Variants in KANSL1L observed in about 807,000 individuals in gnomAD.
The protein encoded by KANSL1L is KAT8 regulatory NSL complex subunit 1-like protein.
KANSL1L carries 25 observed loss-of-function variants against 108.6 expected under a neutral mutation model. The observed-to-expected ratio is 0.23, with a 90% CI of 0.17 to 0.32. KANSL1L has a LOEUF of 0.32. Among genes scored for constraint, KANSL1L ranks in the 10% least tolerant of loss-of-function variants. The probability of loss-of-function intolerance (pLI) is 1.00; values close to 1 mark genes in which losing one functional copy is unlikely to be tolerated. For synonymous variants in KANSL1L, 405 were observed against 395.1 expected (o/e 1.03, Z -0.30); for missense variants, 1,137 against 1,125.7 (o/e 1.01, Z -0.14).
intron 6 of KANSL1L, among the ~76,000 whole-genome samples, chr2:210,067,695 G>A (rs1392897264): frequency 1.6e-5 from 2 of 121,822 alleles, no homozygotes; most frequent in Non-Finnish European, 3.2e-5. Flanking sequence ...CAGCCTGAGT[G>A]ACAGAGTGAG....
At chr2:210,077,514 G>A (rs73063945) in intron 5 of KANSL1L, among the ~76,000 whole-genome samples, 2,455 of 152,100 alleles carry the variant, frequency 0.016, 73 homozygotes, top group African/African-American at 0.056. Context: ...GAAGTGAGTC[G>A]AGGTCAAGAA....
intron 6 of KANSL1L, among the ~76,000 whole-genome samples, chr2:210,065,558 C>G (rs1004037739): frequency 6.8e-6 from 1 of 147,950 alleles, no homozygotes; most frequent in African/African-American, 2.5e-5. Context: ...GTCTACCTCT[C>G]AATTGAGGTG....
intron 1 of KANSL1L, among the ~76,000 whole-genome samples, chr2:210,162,774 G>T (rs911243371): frequency 3.3e-5 from 5 of 152,056 alleles, no homozygotes; most frequent in African/African-American, 1.2e-4. Context: ...AGATACCAAC[G>T]TGTTTAGAAG....
chr2:210,097,598 AGG>A (rs1393739951), intron 5 of KANSL1L, among the ~76,000 whole-genome samples: 3 of 152,182 alleles, frequency 2.0e-5, no homozygotes, highest in African/African-American at 7.2e-5. Flanking sequence ...TAATGTTTAT[AGG>A]AGTTATTAAT....
intron 6 of KANSL1L, among the ~76,000 whole-genome samples, chr2:210,065,318 A>G (rs2094457847): frequency 8.2e-6 from 1 of 122,592 alleles, no homozygotes; most frequent in Non-Finnish European, 1.7e-5. Context: ...AAAAAAAAAG[A>G]ATCTGTTACA....
chr2:210,130,989 C>T (rs556434672), intron 2 of KANSL1L, among the ~76,000 whole-genome samples: 3 of 152,208 alleles, frequency 2.0e-5, no homozygotes, highest in African/African-American at 4.8e-5. Context: ...AAATATTTCA[C>T]GTACCGCCCT....
intron 6 of KANSL1L, among the ~76,000 whole-genome samples, chr2:210,056,591 G>C (rs1478709360): frequency 6.6e-6 from 1 of 151,962 alleles, no homozygotes; most frequent in Non-Finnish European, 1.5e-5. Context: ...AGCAATTCTT[G>C]TGCCTCAGCC....
intron 8 of KANSL1L, among the ~76,000 whole-genome samples, chr2:210,032,001 C>A (rs2094024122): frequency 1.3e-5 from 2 of 152,142 alleles, no homozygotes; most frequent in Non-Finnish European, 2.9e-5. Flanking sequence ...ATAATAGCAG[C>A]GACCTTGGAT....
intron 3 of KANSL1L, among the ~76,000 whole-genome samples, chr2:210,121,389 T>C (rs2095019099): frequency 1.3e-5 from 2 of 152,004 alleles, no homozygotes; most frequent in Admixed American, 1.3e-4. Context: ...GCAAACTAAC[T>C]CAGGAACAGA....
intron 6 of KANSL1L, among the ~76,000 whole-genome samples, chr2:210,063,213 T>C (rs997352252): frequency 5.9e-5 from 9 of 152,216 alleles, no homozygotes; most frequent in African/African-American, 1.2e-4. Context: ...TGCAAGTGCA[T>C]AGAAGTCAAG....
chr2:210,158,981 T>C (rs1460482848), intron 1 of KANSL1L, among the ~76,000 whole-genome samples: 5 of 152,220 alleles, frequency 3.3e-5, no homozygotes, highest in Non-Finnish European at 7.3e-5. Flanking sequence ...CTAAGCTCTA[T>C]TAAAGGCTTG....
chr2:210,059,600 T>C (rs1281901471), intron 6 of KANSL1L, among the ~76,000 whole-genome samples: 1 of 152,216 alleles, frequency 6.6e-6, no homozygotes, highest in Non-Finnish European at 1.5e-5. Flanking sequence ...ATACATGCTA[T>C]AAATTTATCT....
intron 3 of KANSL1L, among the ~76,000 whole-genome samples, chr2:210,105,899 T>TA (rs1206863695): frequency 2.0e-5 from 3 of 151,986 alleles, no homozygotes; most frequent in Non-Finnish European, 4.4e-5. Flanking sequence ...ATTTGGTATT[T>TA]AAAAAAATAA....
chr2:210,044,168 T>A lies in KANSL1L; in HGVS notation c.1756-64A>T, dbSNP rs2094198792. 6 of 1,086,894 alleles carry A rather than the reference T, an allele frequency of 5.5e-6. No individual in the cohort carries two copies. The highest frequency in any genetic ancestry group is 7.5e-6 in the Non-Finnish European group (6 of 801,330). 67.3% of individuals were successfully genotyped at this position (1,086,894 alleles called of 1,614,324 possible). A position where few individuals can be genotyped will look rare whatever the true frequency, so the allele number is the denominator to read the frequency against. On this transcript the variant is annotated intron_variant, in intron 6 of 14. Transcript: ENST00000281772. The surrounding 1 kb of genome is among the most constrained non-coding windows in gnomAD (Gnocchi z 4.2). The stretch of plus-strand genomic sequence containing the variant: ...CATCCATAAATGGCATATCTCTACA[T>A]TTATTTAGGTTATCTTTAAATAAAA...
At chr2:210,152,110 T>G (rs1472899155) in intron 2 of KANSL1L, 1 of 151,014 alleles carries the variant, frequency 6.6e-6, no homozygotes, top group Non-Finnish European at 1.5e-5. Context: ...TTATTTTTCC[T>G]GATCCTCTCC....
intron 3 of KANSL1L, among the ~76,000 whole-genome samples, chr2:210,111,202 A>T (rs1394462890): frequency 1.3e-5 from 2 of 152,160 alleles, no homozygotes; most frequent in African/African-American, 4.8e-5. Flanking sequence ...TATATATAGC[A>T]GCATTATTCA....
chr2:210,072,838 T>G (rs1234741594), intron 6 of KANSL1L, among the ~76,000 whole-genome samples: 1 of 152,054 alleles, frequency 6.6e-6, no homozygotes, highest in African/African-American at 2.4e-5. Context: ...TCATCAAACC[T>G]CTCCTCAATC....
chr2:210,052,283 C>G (rs2094301998), intron 6 of KANSL1L, among the ~76,000 whole-genome samples: 1 of 152,044 alleles, frequency 6.6e-6, no homozygotes, highest in Admixed American at 6.6e-5. Context: ...GGTTACAGGC[C>G]TGAGCCACCA....
At chr2:210,102,152 C>G (rs1180173523) in intron 4 of KANSL1L, among the ~76,000 whole-genome samples, 1 of 152,096 alleles carries the variant, frequency 6.6e-6, no homozygotes, top group Non-Finnish European at 1.5e-5. Flanking sequence ...TGGTCTATAT[C>G]TCTGTTTTGG....
Sources: gnomAD v4.1 joint callset for allele counts (sites outside exome capture counted in the v4.1 genomes callset) on GRCh38, gnomAD v4.1.1 for gene constraint, Gnocchi (gnomAD v3.1) non-coding constraint, MANE v1.5 for transcripts, NCBI Gene and HGNC (gene_info 2026-07-23, HGNC 2026-07-21) for gene names.